NTM: variants seen among roughly 807,000 people sequenced by gnomAD.
NTM encodes IgLON family member 2.
NTM carries 13 observed loss-of-function variants against 42.1 expected under a neutral mutation model. The observed-to-expected ratio is 0.31, with a 90% confidence interval of 0.20 to 0.49. The LOEUF is 0.49. NTM is among the 20% of genes least tolerant of loss of function. NTM has a pLI of 0.99. For missense variants in NTM, 373 were observed against 452.8 expected (o/e 0.82, Z 1.60); for synonymous variants, 187 against 179.2 (o/e 1.04, Z -0.35).
At chr11:131,372,949 C>T (rs1396725156) in intron 1 of NTM, among the ~76,000 whole-genome samples, 1 of 152,096 alleles carries the variant, frequency 6.6e-6, no homozygotes, top group Non-Finnish European at 1.5e-5. Context: ...GGGGTGGTGG[C>T]GACAGCACTA....
At chr11:132,049,897 T>C (rs1344374449) in intron 2 of NTM, among the ~76,000 whole-genome samples, 1 of 151,960 alleles carries the variant, frequency 6.6e-6, no homozygotes, top group Non-Finnish European at 1.5e-5. Flanking sequence ...TTTTTGAGAG[T>C]CTCCTTTGCT....
rs146649903 is a variant in NTM, at chr11:131,678,073, G to A, written c.83-233491G>A. On this transcript the variant is annotated intron_variant, in intron 1 of 8. Transcript: ENST00000683400. ...TTTACTGACTTGATGAAGTGAAGAG[G>A]CTGGAGAACTAAGGAATTCATGAGC... Among the ~76,000 whole-genome samples the A allele has an allele frequency of 6.5e-3, 985 of 152,346 alleles. 7 individuals carry two copies. Among genetic ancestry groups the A allele is most frequent in the Middle Eastern group, 0.017 (5 of 294 alleles).
intron 4 of NTM, among the ~76,000 whole-genome samples, chr11:132,227,064 G>A (rs1197114158): frequency 6.6e-6 from 1 of 152,194 alleles, no homozygotes; most frequent in African/African-American, 2.4e-5. Context: ...TACAGGTGGT[G>A]TTTAGAGCCA....
chr11:132,019,311 G>A (rs1471723322), intron 2 of NTM, among the ~76,000 whole-genome samples: 2 of 151,794 alleles, frequency 1.3e-5, no homozygotes, highest in African/African-American at 2.4e-5. Flanking sequence ...TGTCCCTTAA[G>A]CACCGATTTA....
intron 3 of NTM, among the ~76,000 whole-genome samples, chr11:132,179,635 T>G (rs182765617): frequency 2.6e-4 from 40 of 152,324 alleles, no homozygotes; most frequent in African/African-American, 7.9e-4. Context: ...CCAAGTCATT[T>G]TGGAAGACGG....
intron 1 of NTM, chr11:131,605,989 C>G: frequency 1.4e-6 from 1 of 706,834 alleles, no homozygotes; most frequent in Non-Finnish European, 1.7e-6. Context: ...CTCTGCCTCT[C>G]TGCTCCCAAG....
chr11:131,827,684 A>G (rs899036875), intron 1 of NTM, among the ~76,000 whole-genome samples: 2 of 152,180 alleles, frequency 1.3e-5, no homozygotes, highest in Non-Finnish European at 2.9e-5. Flanking sequence ...GTCAACTAAG[A>G]GAGAAAACAA....
intron 4 of NTM, among the ~76,000 whole-genome samples, chr11:132,231,001 C>T (rs2087445548): frequency 6.6e-6 from 1 of 152,192 alleles, no homozygotes; most frequent in Non-Finnish European, 1.5e-5. Flanking sequence ...GATAGAGTGA[C>T]ACCTTGTCTC....
intron 1 of NTM, among the ~76,000 whole-genome samples, chr11:131,487,203 A>T (rs1487939926): frequency 6.6e-6 from 1 of 152,152 alleles, no homozygotes; most frequent in African/African-American, 2.4e-5. Context: ...CATTCAAAGC[A>T]TATGTTTATC....
chr11:131,956,512 G>A (rs1487971826), intron 2 of NTM, among the ~76,000 whole-genome samples: 1 of 151,824 alleles, frequency 6.6e-6, no homozygotes, highest in African/African-American at 2.4e-5. Flanking sequence ...GTGTTAAATA[G>A]TGAGGCTCTT....
At chr11:132,203,062 T>G (rs1484580569) in intron 3 of NTM, among the ~76,000 whole-genome samples, 1 of 152,208 alleles carries the variant, frequency 6.6e-6, no homozygotes, top group African/African-American at 2.4e-5. Flanking sequence ...ACCCTTCCGT[T>G]CTTGAAAATG....
At chr11:131,753,282 C>T (rs1210658037) in intron 1 of NTM, among the ~76,000 whole-genome samples, 6 of 152,058 alleles carry the variant, frequency 3.9e-5, no homozygotes, top group Admixed American at 3.3e-4. Flanking sequence ...AACACTTTTA[C>T]ACTGTTGGTG....
At chr11:132,300,667 T>G (rs560908144) in intron 4 of NTM, among the ~76,000 whole-genome samples, 2 of 152,340 alleles carry the variant, frequency 1.3e-5, no homozygotes, top group South Asian at 4.1e-4. Flanking sequence ...GTGGGTTATG[T>G]GGGTAGCTCC....
At position 132,317,973 on chromosome 11, in the gene NTM, A is replaced by G. The variant is rs186635374; in HGVS notation, c.934+3270A>G. Among the ~76,000 whole-genome samples, 9 of 152,358 alleles carry G rather than the reference A, an allele frequency of 5.9e-5. No homozygotes were observed. The East Asian group carries it at 1.3e-3, about 23-fold the overall frequency. On this transcript the variant is annotated intron_variant, in intron 7 of 8. Transcript: ENST00000683400. Reference sequence around the variant, plus strand: ...AGGGATCAGCACAAAGGCAAAGGGTAGAGAGTGAGTCTGGGACCCATAGGA... The same window carrying G: ...AGGGATCAGCACAAAGGCAAAGGGTGGAGAGTGAGTCTGGGACCCATAGGA...
intron 1 of NTM, among the ~76,000 whole-genome samples, chr11:131,897,695 A>G (rs1277890146): frequency 1.3e-5 from 2 of 152,252 alleles, no homozygotes; most frequent in East Asian, 3.8e-4. Context: ...TCACCTCTTG[A>G]TGGAACACCT....
chr11:132,110,901 A>C (rs1324260764), intron 2 of NTM, among the ~76,000 whole-genome samples: 1 of 150,966 alleles, frequency 6.6e-6, no homozygotes, highest in Non-Finnish European at 1.5e-5. Flanking sequence ...ATTTTAAAAA[A>C]TATTTTTATA....
chr11:132,193,376 G>A (rs190483000), intron 3 of NTM, among the ~76,000 whole-genome samples: 1 of 152,052 alleles, frequency 6.6e-6, no homozygotes, highest in Admixed American at 6.5e-5. Flanking sequence ...AAATTGCATG[G>A]AAGTTAAACA....
At chr11:131,721,370 C>A (rs916360314) in intron 1 of NTM, among the ~76,000 whole-genome samples, 1 of 152,128 alleles carries the variant, frequency 6.6e-6, no homozygotes, top group African/African-American at 2.4e-5. Context: ...GTGCAAGTTA[C>A]CAAACCATTC....
intron 1 of NTM, among the ~76,000 whole-genome samples, chr11:131,612,547 G>A (rs1326755121): frequency 9.9e-5 from 15 of 152,204 alleles, no homozygotes; most frequent in African/African-American, 3.6e-4. Context: ...CTCATGGAGG[G>A]AAGCAAAGCT....
Sources: allele counts gnomAD v4.1 joint callset (sites outside exome capture counted in the v4.1 genomes callset), GRCh38; gene constraint gnomAD v4.1.1; transcripts MANE v1.5; gene names NCBI Gene and HGNC (gene_info 2026-07-23, HGNC 2026-07-21).